The following HDAC5 variants were observed in gnomAD, a reference collection of about 807,000 sequenced individuals.
The protein encoded by HDAC5 is histone deacetylase 5, also known as antigen NY-CO-9.
In HDAC5, 25 loss-of-function variants were observed where a neutral mutation model predicts 133.3. That is an observed-to-expected ratio of 0.19 (90% CI 0.14 to 0.26). HDAC5 has a LOEUF of 0.26. Ranked by LOEUF, HDAC5 falls within the 10% of genes least tolerant of loss-of-function variation. The pLI is 1.00. For synonymous variants in HDAC5, 589 were observed against 610.8 expected (o/e 0.96, Z 0.53); for missense variants, 1,041 against 1,460.5 (o/e 0.71, Z 4.68).
intron 3 of HDAC5, among the ~76,000 whole-genome samples, chr17:44,097,034 A>G (rs537560605): frequency 1.3e-5 from 2 of 152,340 alleles, no homozygotes; most frequent in East Asian, 3.9e-4. Flanking sequence ...ACAATTTTTA[A>G]AGAGAAGAGA....
At chr17:44,099,429 G>C (rs2051451620) in intron 3 of HDAC5, among the ~76,000 whole-genome samples, 1 of 152,060 alleles carries the variant, frequency 6.6e-6, no homozygotes. Context: ...TCCATGGGAA[G>C]TCCCAGCCTG....
chr17:44,080,370 A>T (rs1480255732), intron 22 of HDAC5, 31 bp downstream of exon 22: 1 of 1,603,386 alleles, frequency 6.2e-7, no homozygotes, highest in Non-Finnish European at 8.5e-7. Flanking sequence ...AGGGGCTCCC[A>T]CTGACTACCA....
chr17:44,086,276 T>G (rs896807381), intron 14 of HDAC5, among the ~76,000 whole-genome samples: 2 of 152,068 alleles, frequency 1.3e-5, no homozygotes, highest in African/African-American at 4.8e-5. Context: ...GAAGGGAAGG[T>G]AGAAGGTCAG....
chr17:44,111,403 G>C (rs2052336300), intron 2 of HDAC5: 3 of 366,366 alleles, frequency 8.2e-6, no homozygotes, highest in Non-Finnish European at 1.1e-5. Flanking sequence ...TGGGAACAGG[G>C]GAGGGCCTGC....
intron 20 of HDAC5, chr17:44,081,565 C>CT (rs2050391037): frequency 6.7e-6 from 1 of 148,396 alleles, no homozygotes; most frequent in Admixed American, 6.9e-5. Context: ...TTTTGTTTTC[C>CT]TTTTTCTTTT....
intron 1 of HDAC5, among the ~76,000 whole-genome samples, chr17:44,121,536 G>T (rs1379807228): frequency 6.6e-6 from 1 of 150,586 alleles, no homozygotes; most frequent in East Asian, 2.0e-4. Context: ...TGAGTAGGAA[G>T]AATTAATTAT....
chr17:44,115,745 C>A (rs1248960086), intron 2 of HDAC5, among the ~76,000 whole-genome samples: 1 of 152,236 alleles, frequency 6.6e-6, no homozygotes, highest in Non-Finnish European at 1.5e-5. Flanking sequence ...CCCTGGCCCC[C>A]TCCTTTTTTC....
intron 2 of HDAC5, 21 bp from the exon 3 acceptor site, chr17:44,110,821 G>C (rs1249159865): frequency 6.2e-7 from 1 of 1,604,246 alleles, no homozygotes; most frequent in Non-Finnish European, 8.5e-7. Context: ...ACAGGATTCT[G>C]TCTCATAGAT....
intron 3 of HDAC5, among the ~76,000 whole-genome samples, chr17:44,108,647 C>T (rs1214364536): frequency 6.6e-6 from 1 of 151,362 alleles, no homozygotes; most frequent in Non-Finnish European, 1.5e-5. Flanking sequence ...GAGGGAAACA[C>T]CAGGCTGCCT....
At chr17:44,085,669 T>G (rs139999200) in intron 14 of HDAC5, among the ~76,000 whole-genome samples, 3,597 of 152,072 alleles carry the variant, frequency 0.024, 162 homozygotes, top group African/African-American at 0.082. Flanking sequence ...GCCTGGCTAA[T>G]TTTTGTATTT....
Position 44,093,743 on chromosome 17 carries a change from A to C in HDAC5, c.186T>G (p.Ala62=). 6.2e-7 allele frequency: 1 copy of C among 1,602,290 alleles called. No homozygotes were observed. Among genetic ancestry groups the C allele is most frequent in the East Asian group, 2.2e-5 (1 of 44,660 alleles). The part of the protein sequence containing the change: ...GSPSPVELRG[A]LVGSVDPTLR... ...GTGTGGGGTCCACAGAGCCCACCAG[A>C]GCCCCCCGTAGCTCCACAGGGCTGG... Residue 62 remains alanine, a synonymous_variant, in exon 4 of 27, where the codon GCT becomes GCG. Coordinates refer to ENST00000682912, the MANE Select transcript of HDAC5 (RefSeq NM_005474.5).
intron 1 of HDAC5, 123 bp downstream of exon 1, chr17:44,123,381 G>A (rs2053133042): frequency 5.9e-6 from 2 of 339,650 alleles, no homozygotes; most frequent in Middle Eastern, 7.9e-4. Context: ...GAGGAAGGAA[G>A]GGGGGCGCGG....
rs553236555 is a variant in HDAC5, at chr17:44,078,523, C to T, written c.3306G>A (p.Ala1102=). 6.2e-6 allele frequency: 10 copies of T among 1,610,764 alleles called. No homozygotes were observed. Among genetic ancestry groups the T allele is most frequent in the South Asian group, 3.3e-5 (3 of 90,798 alleles). The change falls in exon 26 of 27, where the codon GCG becomes GCA. Residue 1102 remains alanine (A), a synonymous_variant. Transcript: ENST00000682912. ...ACCTGGGGCTGTGTTCCCGGGCTGC[C>T]GCAGCCTGGGCCTGCTCGGCCCCCA... The part of the protein sequence containing the change: ...LSVGAEQAQA[A]AAREHSPRPA...
At chr17:44,080,971 T>C (rs1035999010) in intron 20 of HDAC5, 89 bp from the exon 21 acceptor site, 40 of 1,554,040 alleles carry the variant, frequency 2.6e-5, no homozygotes, top group Non-Finnish European at 3.1e-5. Flanking sequence ...CTGTAGCTCA[T>C]GCCTGTAATC....
intron 18 of HDAC5, 86 bp from the exon 19 acceptor site, chr17:44,082,906 G>A (rs1352020580): frequency 1.2e-5 from 14 of 1,151,044 alleles, no homozygotes; most frequent in Non-Finnish European, 1.4e-5. Flanking sequence ...CACAAGCCAG[G>A]CAGGGAAGTG....
intron 9 of HDAC5, 100 bp downstream of exon 9, chr17:44,092,072 C>T: frequency 8.9e-7 from 1 of 1,117,980 alleles, no homozygotes; most frequent in Non-Finnish European, 1.3e-6. Flanking sequence ...GAGGTCTCTG[C>T]TGGGCACTCA....
In HDAC5 at chr17:44,110,736, A is replaced by G; in HGVS notation, c.87T>C (p.Pro29=). 1 of 1,613,464 alleles carries G rather than the reference A, an allele frequency of 6.2e-7. No homozygotes were observed. The highest frequency in any genetic ancestry group is 2.2e-5 in the East Asian group (1 of 44,884). The change falls in exon 3 of 27, where the codon CCT becomes CCC. Residue 29 remains proline, a synonymous_variant. Coordinates refer to ENST00000682912, the MANE Select transcript of HDAC5 (RefSeq NM_005474.5). ...ILPRTSLHSI[P]VTVEVKPVLP... ...GGACATCAAGGCACTTACCTGTCAC[A>G]GGGATGCTGTGCAGAGAAGTCCGCG...
chr17:44,082,355 TG>T, intron 20 of HDAC5: 1 of 570,638 alleles, frequency 1.8e-6, no homozygotes, highest in South Asian at 2.1e-5. Context: ...AGGGCCAAGA[TG>T]GAACAGGAGC....
rs574142023 is a variant in HDAC5 at position 44,104,786 on chromosome 17, C to G, written c.94+5943G>C. On this transcript the variant is annotated intron_variant, in intron 3 of 26. Coordinates refer to ENST00000682912, the MANE Select transcript of HDAC5 (RefSeq NM_005474.5). The stretch of plus-strand genomic sequence containing the variant: ...AAGCAGTCCAAAATTCTTCCCTGGG[C>G]TCCAACCTCACTGAGCCCCACTGCA... Among the ~76,000 whole-genome samples the G allele has an allele frequency of 4.8e-5, 7 of 145,070 alleles. No individual in the cohort carries two copies. In the South Asian group the frequency reaches 1.4e-3, roughly 29 times the overall value.
Sources: gnomAD v4.1 joint callset for allele counts (sites outside exome capture counted in the v4.1 genomes callset) on GRCh38, gnomAD v4.1.1 for gene constraint, MANE v1.5 for transcripts, NCBI Gene and HGNC (gene_info 2026-07-23, HGNC 2026-07-21) for gene names.